RYR1: variants seen among roughly 807,000 people sequenced by gnomAD.
RYR1 encodes the protein ryanodine receptor 1.
Under a neutral mutation model 583.5 loss-of-function variants are expected in RYR1, and 342 were observed. That is an observed-to-expected ratio of 0.59 (90% CI 0.54 to 0.64). The LOEUF is 0.64. Ranked by LOEUF, RYR1 falls within the 30% of genes least tolerant of loss-of-function variation. RYR1 has a pLI of 0.00. For missense variants in RYR1, 6,032 were observed against 6,917.2 expected (o/e 0.87, Z 4.54); for synonymous variants, 2,791 against 2,822.5 (o/e 0.99, Z 0.35).
intron 29 of RYR1, 116 bp downstream of exon 29, chr19:38,475,566 C>A: frequency 2.4e-6 from 3 of 1,249,432 alleles, no homozygotes; most frequent in Non-Finnish European, 3.4e-6. Flanking sequence ...GGGGACTCCC[C>A]AATATACACT....
intron 101 of RYR1, among the ~76,000 whole-genome samples, chr19:38,583,229 G>A (rs913464569): frequency 1.3e-5 from 2 of 151,544 alleles, no homozygotes; most frequent in East Asian, 1.9e-4. Context: ...CCCCGGAGGC[G>A]GAGGTTGCAG....
In RYR1 at chr19:38,526,779, C is replaced by T. The variant is rs184923843; in HGVS notation, c.10627-214C>T. Among the ~76,000 whole-genome samples the T allele has an allele frequency of 3.8e-3, 578 of 152,266 alleles. 5 individuals are homozygous for T. The highest frequency in any genetic ancestry group is 6.3e-3 in the Non-Finnish European group (431 of 68,012). On this transcript the variant is annotated intron_variant, in intron 71 of 105. Transcript: ENST00000359596. ...CTCCACGAGGCCCCTCGAATCCTTACTGTATCTTCAAGGTGACTCTGTGAC... is the reference window on the plus strand; with the variant it reads ...CTCCACGAGGCCCCTCGAATCCTTATTGTATCTTCAAGGTGACTCTGTGAC...
chr19:38,578,931 G>A (rs1457473661), intron 99 of RYR1, among the ~76,000 whole-genome samples: 1 of 151,648 alleles, frequency 6.6e-6, no homozygotes, highest in African/African-American at 2.4e-5. Flanking sequence ...GGCAACTTTT[G>A]TAGAGACGGT....
rs1967657721 is a variant in RYR1, at chr19:38,460,312, A to G, written c.2361-63A>G. ...TCCCAGGACTGCTTCCATGTCCCCC[A>G]CTGACCACAGACTGTCCCCCATAAC... On this transcript the variant is annotated intron_variant, in intron 19 of 105. Coordinates refer to ENST00000359596, the MANE Select transcript of RYR1 (RefSeq NM_000540.3). The G allele has an allele frequency of 1.2e-5, 18 of 1,471,132 alleles. No homozygotes were observed. In the South Asian group the frequency reaches 1.8e-4, roughly 15 times the overall value. 91.1% of individuals were successfully genotyped at this position (1,471,132 alleles called of 1,614,324 possible).
intron 36 of RYR1, 48 bp downstream of exon 36, chr19:38,490,324 C>A: frequency 6.5e-7 from 1 of 1,547,140 alleles, no homozygotes; most frequent in Non-Finnish European, 8.8e-7. Context: ...AAACCCCAAC[C>A]TCAACATCTC....
chr19:38,446,196 C>T lies in RYR1; in HGVS notation c.632-276C>T, dbSNP rs7253151. Among the ~76,000 whole-genome samples, 90,890 of 151,738 alleles carry T rather than the reference C, an allele frequency of 0.6. 27,772 individuals carry two copies. Among genetic ancestry groups the T allele is most frequent in the Admixed American group, 0.67 (10,268 of 15,248 alleles). On this transcript the variant is annotated intron_variant, in intron 7 of 105. Transcript: ENST00000359596. ...CAACCTCAAAAGTCCAAACTCAGAA[C>T]CTTAAATGACAGACTCACAACTCCC...
intron 101 of RYR1, among the ~76,000 whole-genome samples, chr19:38,581,774 T>C (rs1974222397): frequency 6.6e-6 from 1 of 151,898 alleles, no homozygotes; most frequent in African/African-American, 2.4e-5. Context: ...GATTTTTGTA[T>C]TTTTAGTAGA....
At chr19:38,436,143 C>A (rs1229259888) in intron 1 of RYR1, among the ~76,000 whole-genome samples, 1 of 152,062 alleles carries the variant, frequency 6.6e-6, no homozygotes, top group East Asian at 1.9e-4. Flanking sequence ...CTCCTGACCT[C>A]AGATGATCCA....
chr19:38,510,456 C>T lies in RYR1; in HGVS notation c.8933-42C>T, dbSNP rs374612710. The T allele has an allele frequency of 1.6e-5, 26 of 1,607,880 alleles. No homozygotes were observed. In the African/African-American group the frequency reaches 3.2e-4, roughly 20 times the overall value. ...TCCCATCAGAACACCCTGGGTTCCC[C>T]AGCCTTGAACCCACTGTGAACCCTA... On this transcript the variant is annotated intron_variant, in intron 58 of 105. Coordinates refer to ENST00000359596, the MANE Select transcript of RYR1 (RefSeq NM_000540.3).
At chr19:38,507,015 G>A in intron 57 of RYR1, 63 bp downstream of exon 57, 3 of 1,610,284 alleles carry the variant, frequency 1.9e-6, no homozygotes, top group Middle Eastern at 2.2e-4. Context: ...AAGGCTGGAA[G>A]GGGCGGGGCC....
chr19:38,524,204 GA>G (rs997556383), intron 70 of RYR1, among the ~76,000 whole-genome samples: 6 of 97,446 alleles, frequency 6.2e-5, no homozygotes, highest in Admixed American at 3.2e-4. Flanking sequence ...AAAAAAAAAA[GA>G]AAAAAAGAGC....
chr19:38,458,995 C>A, intron 18 of RYR1, 151 bp from the exon 19 acceptor site: 2 of 727,814 alleles, frequency 2.7e-6, no homozygotes, highest in Non-Finnish European at 2.4e-6. Context: ...CCCTTCATTT[C>A]AGAGCTACGG....
In RYR1 at chr19:38,499,344, A is replaced by G; in HGVS notation, c.7027+101A>G. ...GCACCCTGAGCCACAGATGGGGTCC[A>G]GGCAGGAATCCCTTCCAGCAGGCCT... is the stretch of plus-strand genomic sequence containing the variant. On this transcript the variant is annotated intron_variant, in intron 43 of 105. Coordinates refer to ENST00000359596, the MANE Select transcript of RYR1 (RefSeq NM_000540.3). The surrounding 1 kb of genome is among the most constrained non-coding windows in gnomAD (Gnocchi z 7.3). The G allele has an allele frequency of 1.3e-6, 2 of 1,576,066 alleles. No individual in the cohort carries two copies. The highest frequency in any genetic ancestry group is 1.1e-5 in the South Asian group (1 of 89,746).
intron 101 of RYR1, among the ~76,000 whole-genome samples, chr19:38,582,908 G>C (rs1021348204): frequency 6.6e-6 from 1 of 152,018 alleles, no homozygotes; most frequent in African/African-American, 2.4e-5. Context: ...TTCCAGACAC[G>C]GCCTCGCTGC....
At chr19:38,435,976 G>A (rs989641670) in intron 1 of RYR1, among the ~76,000 whole-genome samples, 4 of 151,722 alleles carry the variant, frequency 2.6e-5, no homozygotes, top group African/African-American at 7.3e-5. Context: ...TGGCGTGATC[G>A]CAGCTCACTG....
At chr19:38,520,619 T>C (rs1290743490) in intron 67 of RYR1, among the ~76,000 whole-genome samples, 1 of 137,138 alleles carries the variant, frequency 7.3e-6, no homozygotes, top group African/African-American at 2.7e-5. Flanking sequence ...CGCCTGAGCC[T>C]GGGAGGCAGA....
At chr19:38,436,934 G>A (rs1313510436) in intron 1 of RYR1, among the ~76,000 whole-genome samples, 4 of 152,082 alleles carry the variant, frequency 2.6e-5, no homozygotes, top group Non-Finnish European at 5.9e-5. Context: ...CTGGGGTCTG[G>A]TAAACAGTAC....
chr19:38,488,998 G>A (rs917302224), intron 34 of RYR1, among the ~76,000 whole-genome samples, 179 bp from the exon 35 acceptor site: 1 of 152,184 alleles, frequency 6.6e-6, no homozygotes, highest in Non-Finnish European at 1.5e-5. Context: ...GGACCTGGGT[G>A]GATCTTAAGG....
At chr19:38,439,361 G>C (rs747060394) in intron 1 of RYR1, among the ~76,000 whole-genome samples, 1 of 152,106 alleles carries the variant, frequency 6.6e-6, no homozygotes, top group South Asian at 2.1e-4. Flanking sequence ...CACCATGCCC[G>C]GGTAATTTTG....
Sources: gnomAD v4.1 joint callset for allele counts (sites outside exome capture counted in the v4.1 genomes callset) on GRCh38, gnomAD v4.1.1 for gene constraint, Gnocchi (gnomAD v3.1) non-coding constraint, MANE v1.5 for transcripts, NCBI Gene and HGNC (gene_info 2026-07-23, HGNC 2026-07-21) for gene names.